MYH7B: variants seen among roughly 807,000 people sequenced by gnomAD.
MYH7B encodes myosin heavy chain 7B.
In MYH7B, 205 loss-of-function variants were observed where a neutral mutation model predicts 234.5. That is an observed-to-expected ratio of 0.87 (90% CI 0.78 to 0.98). The LOEUF is 0.98. MYH7B is among the 50% of genes least tolerant of loss of function. The probability of loss-of-function intolerance (pLI) is 0.00; values close to 1 mark genes in which losing one functional copy is unlikely to be tolerated. For synonymous variants in MYH7B, 1,193 were observed against 1,105.0 expected, an observed-to-expected ratio of 1.08 and a Z score of -1.58; for missense variants, 2,652 against 2,633.4, an observed-to-expected ratio of 1.01 and a Z score of -0.15.
intron 19 of MYH7B, among the ~76,000 whole-genome samples, chr20:34,988,523 C>T (rs1239191025): frequency 1.3e-5 from 2 of 151,962 alleles, no homozygotes; most frequent in Non-Finnish European, 1.5e-5. Context: ...TGCATGCATC[C>T]CAGTACTGTG....
Position 34,995,939 on chromosome 20 carries a change from T to C in MYH7B, c.2943+361T>C, listed in dbSNP as rs550662203. Reference sequence around the variant, plus strand: ...GCAGGTGACTTCTGCCCTTGAGCCCTCGTGATGGCCCCTGTGGTTCCCAGT... The same window carrying C: ...GCAGGTGACTTCTGCCCTTGAGCCCCCGTGATGGCCCCTGTGGTTCCCAGT... On this transcript the variant is annotated intron_variant, in intron 28 of 44. Coordinates refer to ENST00000262873, the Ensembl canonical transcript of MYH7B. 4.6e-5 allele frequency among the ~76,000 whole-genome samples: 7 copies of C among 152,342 alleles called. No homozygotes were observed. The East Asian group carries it at 1.4e-3, about 29-fold the overall frequency.
Position 34,977,923 on chromosome 20 carries a change from C to T in MYH7B, c.-72-11C>T. The T allele has an allele frequency of 6.2e-7, 1 of 1,613,172 alleles. No individual in the cohort carries two copies. The highest frequency in any genetic ancestry group is 8.5e-7 in the Non-Finnish European group (1 of 1,179,972). Reference sequence around the variant, plus strand: ...CCCTAGTTCAGCTCCCTTGTCACTGCCATCTTCCAGTGCCTGCTGCCTTGG... The same window carrying T: ...CCCTAGTTCAGCTCCCTTGTCACTGTCATCTTCCAGTGCCTGCTGCCTTGG... On this transcript the variant is annotated splice_polypyrimidine_tract_variant and intron_variant, in intron 4 of 44. Transcript: ENST00000262873.
rs762302082 is a variant in MYH7B at position 34,984,865 on chromosome 20, G to A, written c.660G>A (p.Glu220=). 5.6e-6 allele frequency: 9 copies of A among 1,613,886 alleles called. No individual in the cohort carries two copies. In the South Asian group the frequency reaches 8.8e-5, roughly 16 times the overall value. ...CCCCACCGCCCCAGGGCACCCTTGA[G>A]GATCAAATCATCGAGGCCAACCCTG... Residue 220 remains glutamate (E), a synonymous_variant, in exon 12 of 45, where the codon GAG becomes GAA. Transcript: ENST00000262873.
exon 28 of MYH7B, chr20:34,995,553 A>G (rs1468260580): frequency 6.2e-7 from 1 of 1,614,014 alleles, no homozygotes; most frequent in Admixed American, 1.7e-5. Flanking sequence ...AAAGCTGAGA[A>G]GGAGAAGCAA....
rs1160088379 is a variant in MYH7B at position 34,968,802 on chromosome 20, C to T, written c.-221-6598C>T. Among the ~76,000 whole-genome samples, 3 of 152,330 alleles carry T rather than the reference C, an allele frequency of 2.0e-5. No individual in the cohort carries two copies. In the East Asian group the frequency reaches 5.8e-4, roughly 30 times the overall value. On this transcript the variant is annotated intron_variant, in intron 2 of 44. Coordinates refer to ENST00000262873, the Ensembl canonical transcript of MYH7B. Reference sequence around the variant, plus strand: ...CACTGCGGCAGCCTACCTAAGTATGCACAGCGCACGTAGCGTAGAGGATGG... The same window carrying T: ...CACTGCGGCAGCCTACCTAAGTATGTACAGCGCACGTAGCGTAGAGGATGG...
chr20:34,990,025 C>T, exon 21 of MYH7B: 1 of 1,614,146 alleles, frequency 6.2e-7, no homozygotes, highest in East Asian at 2.2e-5. Context: ...TGCCTTACAG[C>T]ATTGTGGGCT....
In MYH7B at chr20:34,990,720, A is replaced by C. The variant is rs747933412; in HGVS notation, c.1978-18A>C. On this transcript the variant is annotated intron_variant, in intron 22 of 44. Coordinates refer to ENST00000262873, the Ensembl canonical transcript of MYH7B. ...TCTGCCCCCTTTGTGCCTTTCCCTC[A>C]CTCTTCCCCACTGCCAGGAGAACCT... is the stretch of plus-strand genomic sequence containing the variant. 1.2e-6 allele frequency: 2 copies of C among 1,612,908 alleles called. No individual in the cohort carries two copies. Among genetic ancestry groups the C allele is most frequent in the East Asian group, 2.2e-5 (1 of 44,824 alleles).
exon 33 of MYH7B, chr20:34,998,330 T>G: frequency 6.2e-7 from 1 of 1,613,966 alleles, no homozygotes; most frequent in Non-Finnish European, 8.5e-7. Flanking sequence ...CCTATGAGGA[T>G]CAGCTAAGCG....
intron 28 of MYH7B, 113 bp downstream of exon 28, chr20:34,995,691 C>T: frequency 6.8e-7 from 1 of 1,463,290 alleles, no homozygotes; most frequent in East Asian, 2.4e-5. Context: ...TGGCCCTGGG[C>T]ATGTCACTGC....
chr20:34,986,640 G>C (rs550464794), intron 14 of MYH7B, among the ~76,000 whole-genome samples: 162 of 152,308 alleles, frequency 1.1e-3, no homozygotes, highest in Non-Finnish European at 1.7e-3. Flanking sequence ...TCATTCCTCA[G>C]AGAACCAGAA....
chr20:34,984,712 G>A lies in MYH7B; in HGVS notation c.645G>A (p.Thr215=), dbSNP rs202107317. The A allele has an allele frequency of 3.3e-5, 53 of 1,602,516 alleles. No individual in the cohort carries two copies. The highest frequency in any genetic ancestry group is 1.7e-4 in the Middle Eastern group (1 of 5,852). Residue 215 remains threonine (T), a synonymous_variant, in exon 11 of 45, where the codon ACG becomes ACA. Transcript: ENST00000262873. ...CCCAGCAATTTCTGGCAACAAAGAC[G>A]GGGGTGAGTATGGGGCCAATGTCAA...
Position 34,987,198 on chromosome 20 carries a change from A to C in MYH7B, c.1058A>C (p.Tyr353Ser), listed in dbSNP as rs746815628. 27 of 1,612,874 alleles carry C rather than the reference A, an allele frequency of 1.7e-5. No homozygotes were observed. Among genetic ancestry groups the C allele is most frequent in the Non-Finnish European group, 2.1e-5 (25 of 1,179,994 alleles). ...AGCGTGGATGAGAAATGTGCCTGCT[A>C]TAAGATCGTGGGCGCCCTCCTGCAC... Residue 353 changes from tyrosine (Y) to serine (S), a missense_variant, in exon 16 of 45, where the codon TAT becomes TCT. By Grantham distance (144) the Tyr-to-Ser change is moderately radical (BLOSUM62 -2). Around this residue, in one of 3 missense-constraint regions of MYH7B, gnomAD observed 2,279 missense variants for 2,211.4 expected, o/e 1.03. Coordinates refer to ENST00000262873, the Ensembl canonical transcript of MYH7B.
chr20:34,993,564 A>G, intron 26 of MYH7B, 94 bp downstream of exon 26: 2 of 1,338,110 alleles, frequency 1.5e-6, no homozygotes, highest in Non-Finnish European at 2.0e-6. Flanking sequence ...GCTGCCCTGT[A>G]GTCAGATCAG....
chr20:34,983,746 G>A (rs1025923752), intron 10 of MYH7B, among the ~76,000 whole-genome samples: 5 of 152,208 alleles, frequency 3.3e-5, no homozygotes, highest in African/African-American at 7.2e-5. Flanking sequence ...GGATGGGAGT[G>A]TATTGGGGGG....
rs760264308 is a variant in MYH7B, at chr20:35,000,754, C to T, written c.5179-14C>T. 1.2e-6 allele frequency: 2 copies of T among 1,610,272 alleles called. No homozygotes were observed. The highest frequency in any genetic ancestry group is 1.7e-5 in the Admixed American group (1 of 59,312). ...CTGCTGGCTGGCTGGCTCTGAGACT[C>T]CTCTTCCCCTCAGAACACAGGCCTC... On this transcript the variant is annotated splice_polypyrimidine_tract_variant and intron_variant, in intron 39 of 44. Transcript: ENST00000262873.
At chr20:34,995,077 G>A (rs540175063) in intron 27 of MYH7B, among the ~76,000 whole-genome samples, 3 of 152,346 alleles carry the variant, frequency 2.0e-5, no homozygotes, top group South Asian at 4.1e-4. Context: ...AGTGAGCAGC[G>A]GGCTTCCCTC....
intron 2 of MYH7B, among the ~76,000 whole-genome samples, chr20:34,974,448 ATGTT>A (rs2081826958): frequency 1.3e-5 from 2 of 152,090 alleles, no homozygotes; most frequent in South Asian, 4.2e-4. Context: ...TTGCGTTGTC[ATGTT>A]TGTTTGTGAG....
exon 26 of MYH7B, chr20:34,993,400 C>T (rs574933330): frequency 5.6e-6 from 9 of 1,613,280 alleles, no homozygotes; most frequent in Admixed American, 1.7e-5. Flanking sequence ...GGCCAAGGTG[C>T]TGACGCTGCT....
At chr20:35,000,366 C>T in exon 39 of MYH7B, 1 of 1,599,018 alleles carries the variant, frequency 6.3e-7, no homozygotes, top group Non-Finnish European at 8.5e-7. Flanking sequence ...CAATGAGGCG[C>T]TGCGGCTCAA....
Sources: allele counts gnomAD v4.1 joint callset (sites outside exome capture counted in the v4.1 genomes callset), GRCh38; gene constraint gnomAD v4.1.1; regional missense constraint gnomAD v4.1.1; transcripts MANE v1.5; gene names NCBI Gene and HGNC (gene_info 2026-07-23, HGNC 2026-07-21).